ZNF749: variants seen among roughly 807,000 people sequenced by gnomAD.
The protein encoded by ZNF749 is zinc finger protein 749.
In ZNF749, 8 loss-of-function variants were observed where a neutral mutation model predicts 7.3. The ratio of observed to expected loss-of-function variants is 1.10; its 90% confidence interval spans 0.64 to 1.98. The LOEUF is 1.98. Among genes scored for constraint, ZNF749 ranks in the 30% most tolerant of loss-of-function variants. The pLI is 0.00. For synonymous variants in ZNF749, 310 were observed against 322.4 expected, an observed-to-expected ratio of 0.96 and a Z score of 0.41; for missense variants, 898 against 932.4, an observed-to-expected ratio of 0.96 and a Z score of 0.48.
upstream of ZNF749, among the ~76,000 whole-genome samples, chr19:57,431,038 CAAAAAAAAAA>C (rs34687490): frequency 1.1e-5 from 1 of 93,782 alleles, no homozygotes; most frequent in Non-Finnish European, 2.1e-5. Flanking sequence ...GACTCTGTCT[CAAAAAAAAAA>C]AAAAAAAAAG....
At chr19:57,438,834 A>T (rs951445669) in intron 1 of ZNF749, among the ~76,000 whole-genome samples, 3 of 152,210 alleles carry the variant, frequency 2.0e-5, no homozygotes, top group African/African-American at 7.2e-5. Context: ...CCTAGTTCCG[A>T]CAACTGATGG....
chr19:57,431,438 A>G (rs1241973263), upstream of ZNF749, among the ~76,000 whole-genome samples: 1 of 152,230 alleles, frequency 6.6e-6, no homozygotes, highest in Non-Finnish European at 1.5e-5. Context: ...CAGAGTACAT[A>G]TAACATGCAG....
Position 57,443,387 on chromosome 19 carries a change from C to A in ZNF749, c.239C>A (p.Thr80Asn), listed in dbSNP as rs753071107. The change falls in exon 3 of 3, where the codon ACC (threonine) becomes AAC (asparagine). Residue 80 changes from threonine to asparagine, a missense_variant. By Grantham distance (65) the Thr-to-Asn change is moderately conservative (BLOSUM62 0). Coordinates refer to ENST00000334181, the MANE Select transcript of ZNF749 (RefSeq NM_001023561.4). Reference sequence around the variant, plus strand: ...ACAATTCCAAAGCCAGCTTTGTCCACCCTGAAGGCCCAGCCCTGCAAGATG... The same window carrying A: ...ACAATTCCAAAGCCAGCTTTGTCCAACCTGAAGGCCCAGCCCTGCAAGATG... ...QVTIPKPALSTLKAQPCKMCS... is the reference protein window; with the variant it reads ...QVTIPKPALSNLKAQPCKMCS... 7 of 1,614,230 alleles carry A rather than the reference C, an allele frequency of 4.3e-6. No individual in the cohort carries two copies. Among genetic ancestry groups the A allele is most frequent in the Non-Finnish European group, 5.9e-6 (7 of 1,180,038 alleles).
chr19:57,428,904 T>C, the ZNF749 span, among the ~76,000 whole-genome samples: 1 of 152,206 alleles, frequency 6.6e-6, no homozygotes, highest in Non-Finnish European at 1.5e-5. Flanking sequence ...CTTACTTCAC[T>C]TACAATAAGT....
upstream of ZNF749, among the ~76,000 whole-genome samples, chr19:57,432,697 A>C (rs996711490): frequency 6.6e-6 from 1 of 152,098 alleles, no homozygotes; most frequent in East Asian, 1.9e-4. Flanking sequence ...AGGTGTGAAG[A>C]GCAAAGCATA....
chr19:57,432,557 G>A (rs2088904111), upstream of ZNF749, among the ~76,000 whole-genome samples: 1 of 105,822 alleles, frequency 9.4e-6, no homozygotes, highest in South Asian at 3.3e-4. Flanking sequence ...GTGAGACTCT[G>A]TCTTAAAAAA....
At chr19:57,429,535 T>G in the ZNF749 span, among the ~76,000 whole-genome samples, 1 of 152,202 alleles carries the variant, frequency 6.6e-6, no homozygotes, top group Non-Finnish European at 1.5e-5. The surrounding 1 kb of genome is among the most constrained non-coding windows in gnomAD (Gnocchi z 4.2). Context: ...CTGGAGTAAG[T>G]GGCACAGTCA....
chr19:57,430,063 C>G, the ZNF749 span, among the ~76,000 whole-genome samples: 5 of 152,134 alleles, frequency 3.3e-5, no homozygotes, highest in Non-Finnish European at 7.3e-5. Context: ...AGTCTAATCA[C>G]CTTTCATCAT....
Position 57,441,064 on chromosome 19 carries a change from TG to T in ZNF749, c.16-820del, listed in dbSNP as rs1362012139. ...TTGCTTGAACCTGGGAGGCAGAAGT[TG>T]CAGTGAGCCACTGCACTCCAGCCTG... On this transcript the variant is annotated intron_variant, in intron 1 of 2. Coordinates refer to ENST00000334181, the MANE Select transcript of ZNF749 (RefSeq NM_001023561.4). Among the ~76,000 whole-genome samples the T allele has an allele frequency of 5.9e-5, 8 of 136,312 alleles. No individual in the cohort carries two copies. In the East Asian group the frequency reaches 1.8e-3, roughly 30 times the overall value. The allele number at this position is 136,312 out of a possible 152,430, so 89.4% of individuals were successfully genotyped here.
chr19:57,431,419 G>A (rs2088898368), upstream of ZNF749, among the ~76,000 whole-genome samples: 1 of 152,184 alleles, frequency 6.6e-6, no homozygotes, highest in African/African-American at 2.4e-5. Context: ...CTAGAATTGT[G>A]ATTGTAATCA....
rs1357594140 is a variant in ZNF749 at position 57,439,817 on chromosome 19, T to G, written c.16-2068T>G. Among the ~76,000 whole-genome samples the G allele has an allele frequency of 6.6e-6, 1 of 151,614 alleles. No individual in the cohort carries two copies. Among genetic ancestry groups the G allele is most frequent in the Non-Finnish European group, 1.5e-5 (1 of 67,862 alleles). On this transcript the variant is annotated intron_variant, in intron 1 of 2. Transcript: ENST00000334181. This position sits in a 1 kb window ranked among gnomAD's most constrained non-coding sequence, Gnocchi z 4.3. ...CAAAAAATGTTTCAGAGACTTTGAGTGGAGGTGCCAGGCTGGCAGTTGTAC... is the reference window on the plus strand; with the variant it reads ...CAAAAAATGTTTCAGAGACTTTGAGGGGAGGTGCCAGGCTGGCAGTTGTAC...
In ZNF749 at chr19:57,436,911, T is replaced by G. The variant is rs1449339885; in HGVS notation, c.15+1318T>G. Among the ~76,000 whole-genome samples, 1 of 152,176 alleles carries G rather than the reference T, an allele frequency of 6.6e-6. No homozygotes were observed. The highest frequency in any genetic ancestry group is 1.5e-5 in the Non-Finnish European group (1 of 68,024). On this transcript the variant is annotated intron_variant, in intron 1 of 2. Transcript: ENST00000334181. The surrounding 1 kb of genome is among the most constrained non-coding windows in gnomAD (Gnocchi z 4.0). ...TAGTTTAAAGAGAGTTTATTCAAGT[T>G]CACATGTTGATGATAGCCATCTGGG...
upstream of ZNF749, among the ~76,000 whole-genome samples, chr19:57,432,059 C>T (rs934017645): frequency 3.3e-5 from 5 of 151,878 alleles, no homozygotes; most frequent in Admixed American, 6.6e-5. Context: ...TCTCGAACTC[C>T]GGACCTCAGG....
chr19:57,445,615 T>A lies in ZNF749; in HGVS notation c.*130T>A. The A allele has an allele frequency of 7.0e-7, 1 of 1,437,694 alleles. No individual in the cohort carries two copies. Among genetic ancestry groups the A allele is most frequent in the Middle Eastern group, 2.6e-4 (1 of 3,920 alleles). The allele number at this position is 1,437,694 out of a possible 1,614,324, so 89.1% of individuals were successfully genotyped here. ...AGTTCAGATGGAAATCTGCGAGGATTTCCTGCTGGGAACTACATTAAAAAC... is the reference window on the plus strand; with the variant it reads ...AGTTCAGATGGAAATCTGCGAGGATATCCTGCTGGGAACTACATTAAAAAC... On this transcript the variant is annotated 3_prime_UTR_variant, in exon 3 of 3. Coordinates refer to ENST00000334181, the MANE Select transcript of ZNF749 (RefSeq NM_001023561.4).
Position 57,436,287 on chromosome 19 carries a change from G to A in ZNF749, c.15+694G>A, listed in dbSNP as rs1287660378. On this transcript the variant is annotated intron_variant, in intron 1 of 2. Transcript: ENST00000334181. The surrounding 1 kb of genome is among the most constrained non-coding windows in gnomAD (Gnocchi z 4.0). ...TGGGTAGGTGGACGTAATTTCCAAAGGTGAGGGAAGGTAGCTGGCCTGGAG... is the reference window on the plus strand; with the variant it reads ...TGGGTAGGTGGACGTAATTTCCAAAAGTGAGGGAAGGTAGCTGGCCTGGAG... Among the ~76,000 whole-genome samples, 1 of 152,196 alleles carries A rather than the reference G, an allele frequency of 6.6e-6. No individual in the cohort carries two copies. Among genetic ancestry groups the A allele is most frequent in the Non-Finnish European group, 1.5e-5 (1 of 68,036 alleles).
rs568548404 is a variant in ZNF749, at chr19:57,439,303, C to T, written c.16-2582C>T. Among the ~76,000 whole-genome samples, 23 of 152,036 alleles carry T rather than the reference C, an allele frequency of 1.5e-4. No individual in the cohort carries two copies. Among genetic ancestry groups the T allele is most frequent in the African/African-American group, 3.4e-4 (14 of 41,464 alleles). Reference sequence around the variant, plus strand: ...ATCTAGAGCTGCCTGTATTTTATAACGTAGAGAGCAAGGAAGCTTGGGAGC... The same window carrying T: ...ATCTAGAGCTGCCTGTATTTTATAATGTAGAGAGCAAGGAAGCTTGGGAGC... On this transcript the variant is annotated intron_variant, in intron 1 of 2. Coordinates refer to ENST00000334181, the MANE Select transcript of ZNF749 (RefSeq NM_001023561.4). This position sits in a 1 kb window ranked among gnomAD's most constrained non-coding sequence, Gnocchi z 4.3.
In ZNF749 at chr19:57,444,742, A is replaced by G; in HGVS notation, c.1594A>G (p.Ile532Val). The G allele has an allele frequency of 6.2e-7, 1 of 1,613,532 alleles. No individual in the cohort carries two copies. The highest frequency in any genetic ancestry group is 8.5e-7 in the Non-Finnish European group (1 of 1,179,822). The change falls in exon 3 of 3, where the codon ATC becomes GTC. Residue 532 changes from isoleucine (I) to valine (V), a missense_variant. By Grantham distance (29) the Ile-to-Val change is conservative. Transcript: ENST00000334181. ...GTCCCACCTAGTTCAGCATGAGAAA[A>G]TCCACACTGATGCATTTTCAAAAAG... ...RKSHLVQHEK[I>V]HTDAFSKRSD...
In ZNF749 at chr19:57,444,523, A is replaced by G; in HGVS notation, c.1375A>G (p.Ile459Val). ...RKSHLVQHQK[I>V]HTDAFSKRSD... ...GTCCCACCTAGTTCAGCACCAGAAA[A>G]TCCACACTGATGCATTTTCAAAAAG... The change falls in exon 3 of 3, where the codon ATC becomes GTC. Residue 459 changes from isoleucine to valine, a missense_variant. Transcript: ENST00000334181. The G allele has an allele frequency of 6.2e-7, 1 of 1,613,884 alleles. No homozygotes were observed.
At chr19:57,431,901 C>T (rs1694817111), upstream of ZNF749, among the ~76,000 whole-genome samples, 1 of 152,144 alleles carries the variant, frequency 6.6e-6, no homozygotes, top group African/African-American at 2.4e-5. Flanking sequence ...TGGCTCACTG[C>T]AACCTCTGCC....
Sources: allele counts gnomAD v4.1 joint callset (sites outside exome capture counted in the v4.1 genomes callset), GRCh38; gene constraint gnomAD v4.1.1; non-coding constraint Gnocchi (gnomAD v3.1); transcripts MANE v1.5; gene names NCBI Gene and HGNC (gene_info 2026-07-23, HGNC 2026-07-21).